Variants in CD244 observed in about 807,000 individuals in gnomAD.
CD244 encodes natural killer cell receptor 2B4.
CD244 carries 20 observed loss-of-function variants against 45.5 expected under a neutral mutation model. The ratio of observed to expected loss-of-function variants is 0.44; its 90% CI spans 0.31 to 0.64. The LOEUF (loss-of-function observed/expected upper bound fraction) is 0.64, where lower values mean the gene tolerates loss of function less well. CD244 is among the 30% of genes least tolerant of loss of function. The pLI is 0.08. For missense variants in CD244, 407 were observed against 426.9 expected (o/e 0.95, Z 0.41); for synonymous variants, 185 against 160.5 (o/e 1.15, Z -1.15).
At chr1:160,855,191 A>T (rs115650194) in intron 1 of CD244, among the ~76,000 whole-genome samples, 1 of 152,196 alleles carries the variant, frequency 6.6e-6, no homozygotes, top group African/African-American at 2.4e-5. Context: ...GGAGGCTGAG[A>T]TAGTGGAACA....
At chr1:160,853,463 T>C (rs1292104096) in intron 1 of CD244, among the ~76,000 whole-genome samples, 1 of 152,216 alleles carries the variant, frequency 6.6e-6, no homozygotes, top group Non-Finnish European at 1.5e-5. Context: ...CTTACACATA[T>C]AAAAGTTCAT....
At chr1:160,844,960 G>A (rs1669679981) in intron 1 of CD244, among the ~76,000 whole-genome samples, 1 of 152,048 alleles carries the variant, frequency 6.6e-6, no homozygotes, top group African/African-American at 2.4e-5. Flanking sequence ...CTGCATGACA[G>A]AGCAAGACCT....
chr1:160,841,617 C>T lies in CD244; in HGVS notation c.346G>A (p.Val116Ile). 6.2e-7 allele frequency: 1 copy of T among 1,614,152 alleles called. No individual in the cohort carries two copies. The highest frequency in any genetic ancestry group is 8.5e-7 in the Non-Finnish European group (1 of 1,180,044). The change falls in exon 2 of 9, where the codon GTT (valine) becomes ATT (isoleucine). Residue 116 changes from valine (V) to isoleucine (I), a missense_variant. Coordinates refer to ENST00000368034, the MANE Select transcript of CD244 (RefSeq NM_016382.4). Reference protein sequence around the residue: ...CLEVTSISGKVQTATFQVFVF... With the variant: ...CLEVTSISGKIQTATFQVFVF... ...AAAACCTGGAACGTGGCTGTCTGAA[C>T]TTTTCCAGATATACTGGTGACCTCC...
chr1:160,855,488 A>G (rs1182103150), intron 1 of CD244, among the ~76,000 whole-genome samples: 1 of 152,208 alleles, frequency 6.6e-6, no homozygotes, highest in African/African-American at 2.4e-5. Context: ...TAGACAAGTC[A>G]CTATGTCCAG....
intron 1 of CD244, among the ~76,000 whole-genome samples, chr1:160,854,036 C>A (rs11587898): frequency 0.55 from 83,281 of 151,912 alleles, 24,843 homozygotes; most frequent in African/African-American, 0.8. Flanking sequence ...TATTATGGAC[C>A]CAGCAGTAGC....
chr1:160,831,337 G>A lies in CD244; in HGVS notation c.*10C>T. 12 of 1,609,880 alleles carry A rather than the reference G, an allele frequency of 7.5e-6. No individual in the cohort carries two copies. The highest frequency in any genetic ancestry group is 8.5e-6 in the Non-Finnish European group (10 of 1,176,180). ...CTGATGTGCAAGAAAGGTGAGAATT[G>A]CTGCAGCAACTAGGAATAAACATCA... is the stretch of plus-strand genomic sequence containing the variant. On this transcript the variant is annotated 3_prime_UTR_variant, in exon 9 of 9. Coordinates refer to ENST00000368034, the MANE Select transcript of CD244 (RefSeq NM_016382.4).
chr1:160,840,005 A>C (rs1669476732), intron 3 of CD244, among the ~76,000 whole-genome samples: 1 of 152,172 alleles, frequency 6.6e-6, no homozygotes, highest in African/African-American at 2.4e-5. Context: ...GCTCTTTGCA[A>C]ACATTATCTC....
At chr1:160,854,050 G>A (rs947754992) in intron 1 of CD244, among the ~76,000 whole-genome samples, 1 of 152,180 alleles carries the variant, frequency 6.6e-6, no homozygotes, top group African/African-American at 2.4e-5. Context: ...CAGTAGCATG[G>A]TTAAGGGAAC....
At chr1:160,860,871 A>G (rs1670275327) in intron 1 of CD244, among the ~76,000 whole-genome samples, 1 of 152,226 alleles carries the variant, frequency 6.6e-6, no homozygotes, top group African/African-American at 2.4e-5. Flanking sequence ...GGCCTGCCCT[A>G]TAGACACAGG....
intron 1 of CD244, among the ~76,000 whole-genome samples, chr1:160,860,523 T>C (rs1327572537): frequency 6.6e-6 from 1 of 152,230 alleles, no homozygotes; most frequent in Non-Finnish European, 1.5e-5. Flanking sequence ...GGTATTAATG[T>C]TAAATTTACT....
chr1:160,844,578 G>A (rs1473322375), intron 1 of CD244, among the ~76,000 whole-genome samples: 1 of 152,154 alleles, frequency 6.6e-6, no homozygotes, highest in African/African-American at 2.4e-5. Context: ...TGTTCTCTTG[G>A]AACCTCATCT....
chr1:160,857,009 G>A (rs757740960), intron 1 of CD244, among the ~76,000 whole-genome samples: 34 of 152,106 alleles, frequency 2.2e-4, no homozygotes, highest in Non-Finnish European at 2.6e-4. Flanking sequence ...TCATGAATCC[G>A]TTTAAATTAA....
chr1:160,836,283 T>C lies in CD244; in HGVS notation c.835-29A>G, dbSNP rs777290573. The C allele has an allele frequency of 4.4e-6, 7 of 1,577,138 alleles. No homozygotes were observed. In the South Asian group the frequency reaches 4.4e-5, roughly 10 times the overall value. ...CACAAGAAATGGAGATGGGGTAACA[T>C]GAGCGACAGTTCGGTCTGTCCAGAT... On this transcript the variant is annotated intron_variant, in intron 5 of 8. Transcript: ENST00000368034.
chr1:160,837,606 G>A (rs1557832851), intron 5 of CD244, among the ~76,000 whole-genome samples: 1 of 152,230 alleles, frequency 6.6e-6, no homozygotes, highest in Non-Finnish European at 1.5e-5. Context: ...AGGGCCTCAC[G>A]TATGTGGCCA....
chr1:160,834,104 T>G lies in CD244; in HGVS notation c.907A>C (p.Thr303Pro). Residue 303 changes from threonine to proline, a missense_variant, in exon 7 of 9, where the codon ACG becomes CCG. Coordinates refer to ENST00000368034, the MANE Select transcript of CD244 (RefSeq NM_016382.4). ...SMIQSQSSAP[T>P]SQEPAYTLYS... is the part of the protein sequence containing the mutation. ...AATGTATATGCAGGTTCTTGTGACG[T>G]GGGAGCAGAAGACTAATGAGAAGAG... The G allele has an allele frequency of 6.2e-7, 1 of 1,608,028 alleles. No homozygotes were observed. The highest frequency in any genetic ancestry group is 8.5e-7 in the Non-Finnish European group (1 of 1,174,458).
rs932768833 is a variant in CD244, at chr1:160,862,471, T to C, written c.61+146A>G. ...CACTGCCAGCCTGTCCTGTCTGATTTAGACTGTCAGAGCTGTCAGGAGCTG... is the reference window on the plus strand; with the variant it reads ...CACTGCCAGCCTGTCCTGTCTGATTCAGACTGTCAGAGCTGTCAGGAGCTG... On this transcript the variant is annotated intron_variant, in intron 1 of 8. Coordinates refer to ENST00000368034, the MANE Select transcript of CD244 (RefSeq NM_016382.4). The C allele has an allele frequency of 6.1e-6, 4 of 658,702 alleles. No homozygotes were observed. In the Admixed American group the frequency reaches 1.0e-4, roughly 17 times the overall value. 40.8% of individuals were successfully genotyped at this position (658,702 alleles called of 1,614,324 possible). A position where few individuals can be genotyped will look rare whatever the true frequency, so the allele number is the denominator to read the frequency against.
intron 1 of CD244, among the ~76,000 whole-genome samples, chr1:160,860,569 T>C (rs1670262826): frequency 6.6e-6 from 1 of 152,226 alleles, no homozygotes; most frequent in African/African-American, 2.4e-5. Flanking sequence ...CATGAGAATG[T>C]CTTTGTTCAT....
chr1:160,840,142 T>G (rs1014536617), intron 3 of CD244, among the ~76,000 whole-genome samples: 28 of 152,052 alleles, frequency 1.8e-4, no homozygotes, highest in Non-Finnish European at 2.9e-5. Context: ...TTTTTTTTTT[T>G]TTTTTAAATA....
rs770305568 is a variant in CD244 at position 160,862,603 on chromosome 1, T to C, written c.61+14A>G. On this transcript the variant is annotated intron_variant, in intron 1 of 8. Transcript: ENST00000368034. ...AGTCCCTCCCTCGCCCCACGCCAGGTAGGACCTCCTTACCTTTGCCCTGAT... is the reference window on the plus strand; with the variant it reads ...AGTCCCTCCCTCGCCCCACGCCAGGCAGGACCTCCTTACCTTTGCCCTGAT... 4 of 1,612,554 alleles carry C rather than the reference T, an allele frequency of 2.5e-6. No homozygotes were observed. Among genetic ancestry groups the C allele is most frequent in the Non-Finnish European group, 3.4e-6 (4 of 1,178,792 alleles).
Sources: gnomAD v4.1 joint callset for allele counts (sites outside exome capture counted in the v4.1 genomes callset) on GRCh38, gnomAD v4.1.1 for gene constraint, MANE v1.5 for transcripts, NCBI Gene and HGNC (gene_info 2026-07-23, HGNC 2026-07-21) for gene names.